Variants in ZMYND8 observed in about 807,000 individuals in gnomAD.
The protein encoded by ZMYND8 is zinc finger MYND-type containing 8.
Under a neutral mutation model 140.8 loss-of-function variants are expected in ZMYND8, and 37 were observed. The observed-to-expected ratio is 0.26, with a 90% CI of 0.20 to 0.35. The LOEUF (loss-of-function observed/expected upper bound fraction) is 0.35. ZMYND8 is among the 10% of genes least tolerant of loss of function. ZMYND8 has a pLI of 1.00. For missense variants in ZMYND8, 1,068 were observed against 1,570.0 expected, an observed-to-expected ratio of 0.68 and a Z score of 5.40; for synonymous variants, 592 against 597.1, an observed-to-expected ratio of 0.99 and a Z score of 0.12.
chr20:47,317,682 T>A (rs2079520990), intron 2 of ZMYND8, among the ~76,000 whole-genome samples: 1 of 151,936 alleles, frequency 6.6e-6, no homozygotes, highest in Non-Finnish European at 1.5e-5. Context: ...CTTAGCTGGG[T>A]CCCGGGCAAA....
intron 12 of ZMYND8, among the ~76,000 whole-genome samples, chr20:47,250,694 A>G (rs984104277): frequency 6.6e-6 from 1 of 152,130 alleles, no homozygotes; most frequent in South Asian, 2.1e-4. Flanking sequence ...TGACCCAACC[A>G]CTTTCCTGTT....
intron 14 of ZMYND8, among the ~76,000 whole-genome samples, chr20:47,242,097 G>A (rs530467289): frequency 2.2e-4 from 33 of 152,290 alleles, no homozygotes; most frequent in African/African-American, 7.5e-4. Flanking sequence ...GATTACAGGC[G>A]TGAGCCGCTG....
intron 2 of ZMYND8, among the ~76,000 whole-genome samples, chr20:47,343,433 C>T (rs6090663): frequency 0.012 from 1,886 of 152,244 alleles, 44 homozygotes; most frequent in African/African-American, 0.043. Context: ...ATAAAGTAAC[C>T]ATCCCAGAGT....
chr20:47,247,570 A>G (rs1369990797), intron 13 of ZMYND8, among the ~76,000 whole-genome samples: 1 of 152,176 alleles, frequency 6.6e-6, no homozygotes, highest in Non-Finnish European at 1.5e-5. Context: ...GCCCCCAACC[A>G]TATGTTATGC....
chr20:47,337,034 C>CAA (rs59318496), intron 2 of ZMYND8, among the ~76,000 whole-genome samples: 3 of 122,524 alleles, frequency 2.4e-5, no homozygotes, highest in Non-Finnish European at 5.5e-5. Context: ...ACACTCTTAT[C>CAA]AAAAAAAAAA....
rs1003468721 is a variant in ZMYND8, at chr20:47,335,304, G to C, written c.85+12552C>G. On this transcript the variant is annotated intron_variant, in intron 2 of 22. Transcript: ENST00000471951. Reference sequence around the variant, plus strand: ...GGTATGTGAATTATATGTCAATAAAGGTATTTTTTTTTTAAGTCTATAAAG... The same window carrying C: ...GGTATGTGAATTATATGTCAATAAACGTATTTTTTTTTTAAGTCTATAAAG... 2.0e-5 allele frequency among the ~76,000 whole-genome samples: 3 copies of C among 151,914 alleles called. No homozygotes were observed. The South Asian group carries it at 6.2e-4, about 32-fold the overall frequency.
At chr20:47,346,611 G>C (rs2082353679) in intron 2 of ZMYND8, among the ~76,000 whole-genome samples, 1 of 151,358 alleles carries the variant, frequency 6.6e-6, no homozygotes, top group African/African-American at 2.4e-5. Flanking sequence ...ATGACATACT[G>C]TCTTTTTTTT....
intron 3 of ZMYND8, among the ~76,000 whole-genome samples, chr20:47,308,832 T>A (rs957977455): frequency 6.6e-6 from 1 of 152,136 alleles, no homozygotes. Flanking sequence ...GCCTGGGTAT[T>A]TAACCGTTGC....
At chr20:47,283,430 C>T (rs2076730662) in intron 9 of ZMYND8, 141 bp downstream of exon 9, 2 of 810,156 alleles carry the variant, frequency 2.5e-6, no homozygotes, top group Middle Eastern at 2.3e-4. Context: ...TTTCCTTCTG[C>T]CATAATTTTA....
At chr20:47,331,482 T>C (rs531526498) in intron 2 of ZMYND8, among the ~76,000 whole-genome samples, 53 of 152,260 alleles carry the variant, frequency 3.5e-4, no homozygotes, top group African/African-American at 1.2e-3. Flanking sequence ...GGAGGTCAGG[T>C]AGGCAGCTGA....
At chr20:47,272,082 CT>C (rs957898850) in intron 11 of ZMYND8, among the ~76,000 whole-genome samples, 1 of 149,376 alleles carries the variant, frequency 6.7e-6, no homozygotes, top group Non-Finnish European at 1.5e-5. Flanking sequence ...TATGAAACCT[CT>C]TTTTTTTTCT....
chr20:47,231,793 A>C (rs2038522626), intron 16 of ZMYND8, among the ~76,000 whole-genome samples: 1 of 152,254 alleles, frequency 6.6e-6, no homozygotes, highest in Non-Finnish European at 1.5e-5. Flanking sequence ...AATTACAACT[A>C]AATGGCTTTA....
intron 11 of ZMYND8, among the ~76,000 whole-genome samples, chr20:47,270,585 G>A (rs977112234): frequency 4.6e-5 from 7 of 150,786 alleles, no homozygotes; most frequent in Non-Finnish European, 7.4e-5. Flanking sequence ...TGATAGCTGG[G>A]TGTGGTGGTA....
At chr20:47,223,865 G>A (rs1389335991) in intron 19 of ZMYND8, among the ~76,000 whole-genome samples, 1 of 151,848 alleles carries the variant, frequency 6.6e-6, no homozygotes, top group African/African-American at 2.4e-5. Context: ...ACTAGATAGT[G>A]CTTCCTGCTG....
Position 47,210,493 on chromosome 20 carries a change from GA to G in ZMYND8, c.*267del, listed in dbSNP as rs2035093711. The G allele has an allele frequency of 3.2e-6, 1 of 310,386 alleles. No individual in the cohort carries two copies. The highest frequency in any genetic ancestry group is 5.9e-6 in the Non-Finnish European group (1 of 170,018). The allele number at this position is 310,386 out of a possible 1,614,324, so 19.2% of individuals were successfully genotyped here. A position where few individuals can be genotyped will look rare whatever the true frequency, so the allele number is the denominator to read the frequency against. On this transcript the variant is annotated 3_prime_UTR_variant, in exon 23 of 23. Coordinates refer to ENST00000471951, the MANE Select transcript of ZMYND8 (RefSeq NM_001281775.3). ...AAAGTTAATACAAATATAAAAAGGGGAAAGTCCTCTAGATTCAATGACATCC... is the reference window on the plus strand; with the variant it reads ...AAAGTTAATACAAATATAAAAAGGGGAAGTCCTCTAGATTCAATGACATCC...
chr20:47,210,837 C>A lies in ZMYND8; in HGVS notation c.3629G>T (p.Arg1210Leu), dbSNP rs1294074076. Residue 1210 changes from arginine (R) to leucine (L), a missense_variant, in exon 23 of 23, where the codon CGT becomes CTT. Arg to Leu is a moderately radical substitution (Grantham distance 102, BLOSUM62 -2). Transcript: ENST00000471951. Reference sequence around the variant, plus strand: ...GCTGGTACTGGTGTTGTGATCGGAACGTGTCGATCCCCTCTTCTCATCACT... The same window carrying A: ...GCTGGTACTGGTGTTGTGATCGGAAAGTGTCGATCCCCTCTTCTCATCACT... ...SSSDEKRGST[R>L]SDHNTSTSTK... 1 of 1,614,060 alleles carries A rather than the reference C, an allele frequency of 6.2e-7. No individual in the cohort carries two copies. Among genetic ancestry groups the A allele is most frequent in the South Asian group, 1.1e-5 (1 of 91,070 alleles).
At position 47,327,562 on chromosome 20, in the gene ZMYND8, A is replaced by G. The variant is rs546796751; in HGVS notation, c.86-17358T>C. Among the ~76,000 whole-genome samples, 535 of 151,952 alleles carry G rather than the reference A, an allele frequency of 3.5e-3. 11 individuals carry two copies. The highest frequency in any genetic ancestry group is 0.013 in the African/African-American group (524 of 41,476). The stretch of plus-strand genomic sequence containing the variant: ...TTCCAGCTACTTGGGAGGCTGAGGC[A>G]GGAGAATTGCTTGAACCCAGGAGGC... On this transcript the variant is annotated intron_variant, in intron 2 of 22. Coordinates refer to ENST00000471951, the MANE Select transcript of ZMYND8 (RefSeq NM_001281775.3).
At chr20:47,287,170 C>A (rs2076974754) in intron 8 of ZMYND8, 59 bp downstream of exon 8, 1 of 1,500,318 alleles carries the variant, frequency 6.7e-7, no homozygotes, top group African/African-American at 1.4e-5. Flanking sequence ...ATGGAAACTT[C>A]AGCTGCCCCA....
chr20:47,288,719 T>C (rs1283700192), intron 7 of ZMYND8, among the ~76,000 whole-genome samples: 2 of 152,196 alleles, frequency 1.3e-5, no homozygotes, highest in Non-Finnish European at 2.9e-5. Context: ...CTAGTGCCTC[T>C]CCTTTTTCCC....
Sources: allele counts gnomAD v4.1 joint callset (sites outside exome capture counted in the v4.1 genomes callset), GRCh38; gene constraint gnomAD v4.1.1; transcripts MANE v1.5; gene names NCBI Gene and HGNC (gene_info 2026-07-23, HGNC 2026-07-21).